EXOC6B: variants seen among roughly 807,000 people sequenced by gnomAD.
The protein encoded by EXOC6B is SEC15 homolog B.
In EXOC6B, 54 loss-of-function variants were observed where a neutral mutation model predicts 113.5. The ratio of observed to expected loss-of-function variants is 0.48; its 90% CI spans 0.38 to 0.60. The LOEUF is 0.60. Ranked by LOEUF, EXOC6B falls within the 20% of genes least tolerant of loss-of-function variation. EXOC6B has a pLI of 0.00. For missense variants in EXOC6B, 797 were observed against 977.5 expected (o/e 0.82, Z 2.46); for synonymous variants, 357 against 339.0 (o/e 1.05, Z -0.58).
intron 6 of EXOC6B, among the ~76,000 whole-genome samples, chr2:72,636,938 A>C (rs1053527593): frequency 3.3e-5 from 5 of 152,066 alleles, no homozygotes; most frequent in East Asian, 3.8e-4. Context: ...AAAAAAAAAA[A>C]CTACTAGAAC....
intron 20 of EXOC6B, among the ~76,000 whole-genome samples, chr2:72,271,688 G>A (rs72835297): frequency 6.6e-6 from 1 of 151,992 alleles, no homozygotes; most frequent in Non-Finnish European, 1.5e-5. Context: ...AAAAACTCAC[G>A]TTTTCATCTT....
chr2:72,530,142 T>G (rs1031537928), intron 8 of EXOC6B, among the ~76,000 whole-genome samples: 1 of 152,190 alleles, frequency 6.6e-6, no homozygotes, highest in Non-Finnish European at 1.5e-5. Flanking sequence ...TTTTGGCTCT[T>G]ATTATTCTTC....
At chr2:72,714,046 C>T (rs1306103524) in intron 6 of EXOC6B, among the ~76,000 whole-genome samples, 1 of 152,166 alleles carries the variant, frequency 6.6e-6, no homozygotes, top group Admixed American at 6.5e-5. Flanking sequence ...TTCTGTGGTA[C>T]CCTTGAAAGC....
chr2:72,773,211 C>G (rs1472459014), intron 1 of EXOC6B, among the ~76,000 whole-genome samples: 2 of 145,712 alleles, frequency 1.4e-5, no homozygotes, highest in Non-Finnish European at 3.0e-5. Flanking sequence ...ACTGCAGCCT[C>G]AACCTCCCAG....
intron 6 of EXOC6B, among the ~76,000 whole-genome samples, chr2:72,642,184 C>A (rs1294779541): frequency 5.9e-5 from 9 of 151,974 alleles, no homozygotes; most frequent in African/African-American, 2.2e-4. Context: ...AATGGCCATA[C>A]TGCCCAAGGT....
intron 8 of EXOC6B, among the ~76,000 whole-genome samples, chr2:72,549,272 T>C (rs1703078863): frequency 1.3e-5 from 2 of 152,116 alleles, no homozygotes; most frequent in African/African-American, 4.8e-5. Context: ...AACATATATA[T>C]CAGATTTGTA....
chr2:72,695,478 G>T (rs896210804), intron 6 of EXOC6B, among the ~76,000 whole-genome samples: 1 of 151,158 alleles, frequency 6.6e-6, no homozygotes, highest in Non-Finnish European at 1.5e-5. Context: ...ATTCTTTAAG[G>T]TTTTTTTTTG....
At chr2:72,515,533 C>T in intron 8 of EXOC6B, 2 of 1,014,868 alleles carry the variant, frequency 2.0e-6, no homozygotes, top group South Asian at 8.1e-5. Flanking sequence ...GAATCATGAA[C>T]AAAGGGGCAA....
intron 20 of EXOC6B, among the ~76,000 whole-genome samples, chr2:72,300,846 C>T (rs1686472217): frequency 1.3e-5 from 2 of 152,158 alleles, no homozygotes; most frequent in African/African-American, 2.4e-5. Context: ...AAATTACCCT[C>T]CGTGGGCTGC....
At chr2:72,583,972 T>G (rs1705388848) in intron 6 of EXOC6B, among the ~76,000 whole-genome samples, 1 of 152,162 alleles carries the variant, frequency 6.6e-6, no homozygotes, top group East Asian at 1.9e-4. Context: ...TCTGCCTCCC[T>G]TGGCCTCCCA....
intron 7 of EXOC6B, among the ~76,000 whole-genome samples, chr2:72,564,302 C>T (rs1704046355): frequency 6.6e-6 from 1 of 152,116 alleles, no homozygotes; most frequent in Admixed American, 6.5e-5. Context: ...ACCTACACGG[C>T]ATTTATTTTT....
intron 6 of EXOC6B, among the ~76,000 whole-genome samples, chr2:72,671,029 T>G (rs913153981): frequency 6.6e-6 from 1 of 151,978 alleles, no homozygotes; most frequent in Non-Finnish European, 1.5e-5. Flanking sequence ...ATGTACAAAA[T>G]CAAATTCTAA....
chr2:72,622,855 T>A (rs1469271709), intron 6 of EXOC6B, among the ~76,000 whole-genome samples: 1 of 152,180 alleles, frequency 6.6e-6, no homozygotes, highest in South Asian at 2.1e-4. Flanking sequence ...GTAGTTAGAA[T>A]GTGAAACAAC....
chr2:72,783,322 T>C (rs1684174912), intron 1 of EXOC6B, among the ~76,000 whole-genome samples: 4 of 130,846 alleles, frequency 3.1e-5, no homozygotes, highest in Admixed American at 3.0e-4. Flanking sequence ...TCTTTTCTTT[T>C]TTTTTTTTTT....
chr2:72,644,321 T>C (rs952103880), intron 6 of EXOC6B, among the ~76,000 whole-genome samples: 6 of 152,162 alleles, frequency 3.9e-5, no homozygotes, highest in Admixed American at 6.5e-5. Context: ...CCACGTTTGA[T>C]TGGTGTACCT....
rs78886628 is a variant in EXOC6B at position 72,578,718 on chromosome 2, T to C, written c.670-3050A>G. 3.8e-3 allele frequency among the ~76,000 whole-genome samples: 579 copies of C among 151,850 alleles called. 11 individuals carry two copies. The highest frequency in any genetic ancestry group is 0.014 in the African/African-American group (566 of 41,440). The stretch of plus-strand genomic sequence containing the variant: ...ACATCATACTATTACAGGAAGCAAA[T>C]CAACAAATAAAGGATAAATATGATA... On this transcript the variant is annotated intron_variant, in intron 6 of 21. Transcript: ENST00000272427.
chr2:72,499,648 C>T (rs1381392761), intron 12 of EXOC6B, among the ~76,000 whole-genome samples: 1 of 151,794 alleles, frequency 6.6e-6, no homozygotes, highest in East Asian at 1.9e-4. Context: ...TCACCTCTGC[C>T]CCCAGAGTGC....
rs192091390 is a variant in EXOC6B at position 72,323,922 on chromosome 2, G to A, written c.2196+11025C>T. Among the ~76,000 whole-genome samples, 824 of 151,924 alleles carry A rather than the reference G, an allele frequency of 5.4e-3. 8 individuals are homozygous for A. Among genetic ancestry groups the A allele is most frequent in the African/African-American group, 0.019 (789 of 41,432 alleles). On this transcript the variant is annotated intron_variant, in intron 20 of 21. Coordinates refer to ENST00000272427, the MANE Select transcript of EXOC6B (RefSeq NM_015189.3). ...TGGGTGCAGCAAACCACCATGGCACGTGTATACCTATGTAACAAAACTGCA... is the reference window on the plus strand; with the variant it reads ...TGGGTGCAGCAAACCACCATGGCACATGTATACCTATGTAACAAAACTGCA...
intron 6 of EXOC6B, among the ~76,000 whole-genome samples, chr2:72,647,138 A>G (rs964237776): frequency 6.6e-6 from 1 of 152,006 alleles, no homozygotes; most frequent in Non-Finnish European, 1.5e-5. Flanking sequence ...CTACACACCA[A>G]TAACAGAGAG....
Sources: gnomAD v4.1 joint callset for allele counts (sites outside exome capture counted in the v4.1 genomes callset) on GRCh38, gnomAD v4.1.1 for gene constraint, MANE v1.5 for transcripts, NCBI Gene and HGNC (gene_info 2026-07-23, HGNC 2026-07-21) for gene names.